ARMC3: variants seen among roughly 807,000 people sequenced by gnomAD.
ARMC3 encodes the protein armadillo repeat containing 3.
In ARMC3, 74 loss-of-function variants were observed where a neutral mutation model predicts 90.3. The ratio of observed to expected loss-of-function variants is 0.82; its 90% CI spans 0.68 to 0.99. ARMC3 has a LOEUF of 0.99. Among genes scored for constraint, ARMC3 ranks in the 50% least tolerant of loss-of-function variants. The pLI is 0.00. For synonymous variants in ARMC3, 334 were observed against 361.8 expected, an observed-to-expected ratio of 0.92 and a Z score of 0.87; for missense variants, 958 against 1,042.8, an observed-to-expected ratio of 0.92 and a Z score of 1.12.
intron 12 of ARMC3, among the ~76,000 whole-genome samples, chr10:23,002,659 G>T (rs1409305299): frequency 6.7e-6 from 1 of 148,568 alleles, no homozygotes; most frequent in Non-Finnish European, 1.5e-5. Flanking sequence ...AAAGTGCAGT[G>T]GTGCAATCTC....
At chr10:22,950,234 T>G (rs980799664) in intron 3 of ARMC3, among the ~76,000 whole-genome samples, 1 of 152,112 alleles carries the variant, frequency 6.6e-6, no homozygotes, top group Admixed American at 6.6e-5. Flanking sequence ...CATATATGTT[T>G]TGTTATTTGA....
At chr10:22,980,120 A>T (rs943623551) in intron 8 of ARMC3, among the ~76,000 whole-genome samples, 2 of 152,214 alleles carry the variant, frequency 1.3e-5, no homozygotes, top group Admixed American at 1.3e-4. Context: ...TGAAAAAAAC[A>T]AGTTAATTAA....
intron 16 of ARMC3, among the ~76,000 whole-genome samples, chr10:23,021,564 A>G (rs1219702214): frequency 1.3e-5 from 2 of 152,182 alleles, no homozygotes; most frequent in Admixed American, 6.6e-5. Context: ...TATTTCTGAA[A>G]TGATTAGTGA....
At chr10:22,965,785 G>A (rs909069642) in intron 7 of ARMC3, among the ~76,000 whole-genome samples, 6 of 152,044 alleles carry the variant, frequency 3.9e-5, no homozygotes, top group African/African-American at 7.2e-5. Context: ...CTAATCTGCC[G>A]TTTGGTCCAC....
At chr10:23,030,267 A>G (rs1381865630) in intron 16 of ARMC3, among the ~76,000 whole-genome samples, 1 of 152,182 alleles carries the variant, frequency 6.6e-6, no homozygotes, top group Non-Finnish European at 1.5e-5. Context: ...TATAGATACC[A>G]AAATCCATGC....
chr10:22,951,228 C>A (rs561339965), intron 3 of ARMC3, among the ~76,000 whole-genome samples: 4 of 152,124 alleles, frequency 2.6e-5, no homozygotes, highest in Non-Finnish European at 5.9e-5. Flanking sequence ...TGAGCCAGTG[C>A]GCCTGGCCGA....
intron 16 of ARMC3, among the ~76,000 whole-genome samples, chr10:23,018,381 C>A (rs974297058): frequency 2.0e-5 from 3 of 152,134 alleles, no homozygotes; most frequent in Admixed American, 1.3e-4. Flanking sequence ...ACCTTCTGCC[C>A]AAAGTCATGT....
intron 2 of ARMC3, among the ~76,000 whole-genome samples, chr10:22,937,720 C>T (rs1834166938): frequency 6.6e-6 from 1 of 152,174 alleles, no homozygotes; most frequent in Admixed American, 6.5e-5. Context: ...TCTCTCCTGA[C>T]ATCAGCAAAC....
intron 8 of ARMC3, among the ~76,000 whole-genome samples, chr10:22,980,683 C>A (rs1047432050): frequency 2.6e-5 from 4 of 152,128 alleles, no homozygotes; most frequent in African/African-American, 9.6e-5. Context: ...ACTTTGGTTT[C>A]AAAGTTAGTG....
chr10:22,983,237 T>G (rs950627144), intron 10 of ARMC3, among the ~76,000 whole-genome samples: 1 of 152,178 alleles, frequency 6.6e-6, no homozygotes, highest in Non-Finnish European at 1.5e-5. Context: ...ATAGGTGTCT[T>G]GATTTGATGT....
Position 22,946,204 on chromosome 10 carries a change from C to G in ARMC3, c.109C>G (p.Pro37Ala). The stretch of plus-strand genomic sequence containing the variant: ...AACTGTGGTGTTAATGCTTAATTCT[C>G]CAGAAGAGGAAATTTTGGCTAAAGC... ...AATVVLMLNS[P>A]EEEILAKACE... Residue 37 changes from proline to alanine, a missense_variant, in exon 3 of 19, where the codon CCA becomes GCA. Coordinates refer to ENST00000298032, the MANE Select transcript of ARMC3 (RefSeq NM_173081.5). 1 of 1,613,140 alleles carries G rather than the reference C, an allele frequency of 6.2e-7. No individual in the cohort carries two copies. The highest frequency in any genetic ancestry group is 8.5e-7 in the Non-Finnish European group (1 of 1,179,646).
intron 13 of ARMC3, among the ~76,000 whole-genome samples, chr10:23,004,121 CCTGT>C (rs939999392): frequency 6.6e-6 from 1 of 151,814 alleles, no homozygotes; most frequent in African/African-American, 2.4e-5. Flanking sequence ...TGCCCTCCAA[CCTGT>C]CTTTTAAAAA....
chr10:22,942,809 C>G (rs2131171354), intron 2 of ARMC3, among the ~76,000 whole-genome samples: 1 of 152,208 alleles, frequency 6.6e-6, no homozygotes, highest in South Asian at 2.1e-4. Context: ...CCTATGATTT[C>G]CTTAAACTGG....
chr10:22,968,324 A>G lies in ARMC3; in HGVS notation c.751A>G (p.Ile251Val). The change falls in exon 8 of 19, where the codon ATA (isoleucine) becomes GTA (valine). Residue 251 changes from isoleucine to valine, a missense_variant. Coordinates refer to ENST00000298032, the MANE Select transcript of ARMC3 (RefSeq NM_173081.5). ...LETKELNDLH[I>V]EALAVIANCL... ...TTATTAGGAATTGAATGACCTTCAT[A>G]TAGAAGCACTTGCAGTGATAGCCAA... is the stretch of plus-strand genomic sequence containing the variant. The G allele has an allele frequency of 1.9e-6, 3 of 1,613,938 alleles. No homozygotes were observed. Among genetic ancestry groups the G allele is most frequent in the Non-Finnish European group, 8.5e-7 (1 of 1,179,838 alleles).
intron 10 of ARMC3, among the ~76,000 whole-genome samples, chr10:22,987,879 AATTG>A (rs1217022752): frequency 7.2e-5 from 11 of 152,246 alleles, no homozygotes; most frequent in Non-Finnish European, 1.6e-4. Context: ...CTGAAAAATT[AATTG>A]ATTGATTACT....
At position 23,037,708 on chromosome 10, in the gene ARMC3, C is replaced by A; in HGVS notation, c.*229C>A. On this transcript the variant is annotated 3_prime_UTR_variant, in exon 19 of 19. Transcript: ENST00000298032. Reference sequence around the variant, plus strand: ...TTAGGTCATTTTCCGCTCACTGACCCTCACATAAAGCTGATTGTTGTCGAA... The same window carrying A: ...TTAGGTCATTTTCCGCTCACTGACCATCACATAAAGCTGATTGTTGTCGAA... The A allele has an allele frequency of 2.2e-6, 1 of 449,158 alleles. No individual in the cohort carries two copies. The highest frequency in any genetic ancestry group is 4.1e-5 in the South Asian group (1 of 24,102). The allele number at this position is 449,158 out of a possible 1,614,324, so 27.8% of individuals were successfully genotyped here. A position where few individuals can be genotyped will look rare whatever the true frequency, so the allele number is the denominator to read the frequency against.
chr10:22,994,421 G>A (rs1836861213), intron 10 of ARMC3, among the ~76,000 whole-genome samples: 1 of 152,220 alleles, frequency 6.6e-6, no homozygotes, highest in Non-Finnish European at 1.5e-5. Context: ...GGGTAGGCCA[G>A]GCATGGCGGC....
rs371745700 is a variant in ARMC3, at chr10:23,006,979, C to G, written c.1827C>G (p.Tyr609Ter). Residue 609 changes from tyrosine to a stop codon, truncating the protein, a stop_gained and splice_region_variant, in exon 14 of 19, where the codon TAC becomes TAG. Coordinates refer to ENST00000298032, the MANE Select transcript of ARMC3 (RefSeq NM_173081.5). LOFTEE classifies it high-confidence loss of function. ...TACTCTTAATCAACAGTAAATCTTA[C>G]GTGTGAGTCTCTGCAGGGAGAGGGG... Reference protein sequence around the residue: ...RAVLLINSKSYVSPPSSMEDK... With the variant: ...RAVLLINSKS 2 of 1,600,774 alleles carry G rather than the reference C, an allele frequency of 1.2e-6. No individual in the cohort carries two copies. Among genetic ancestry groups the G allele is most frequent in the Non-Finnish European group, 1.7e-6 (2 of 1,172,966 alleles).
At chr10:22,941,102 A>G (rs989983990) in intron 2 of ARMC3, among the ~76,000 whole-genome samples, 4 of 152,168 alleles carry the variant, frequency 2.6e-5, no homozygotes, top group African/African-American at 9.7e-5. Context: ...AAGGGTCCCT[A>G]TGTAGTAATT....
Sources: allele counts gnomAD v4.1 joint callset (sites outside exome capture counted in the v4.1 genomes callset), GRCh38; gene constraint gnomAD v4.1.1; transcripts MANE v1.5; gene names NCBI Gene and HGNC (gene_info 2026-07-23, HGNC 2026-07-21).